The following NAV2 variants were observed in gnomAD, a reference collection of about 807,000 sequenced individuals.
NAV2 encodes the protein helicase, APC down-regulated 1.
NAV2 carries 54 observed loss-of-function variants against 223.2 expected under a neutral mutation model. The observed-to-expected ratio is 0.24, with a 90% CI of 0.19 to 0.30. NAV2 has a LOEUF of 0.30. Among genes scored for constraint, NAV2 ranks in the 10% least tolerant of loss-of-function variants. NAV2 has a pLI of 1.00. For synonymous variants in NAV2, 1,279 were observed against 1,239.3 expected, an observed-to-expected ratio of 1.03 and a Z score of -0.67; for missense variants, 2,806 against 3,147.5, an observed-to-expected ratio of 0.89 and a Z score of 2.60.
Position 19,998,538 on chromosome 11 carries a change from G to A in NAV2, c.2768+14291G>A, listed in dbSNP as rs1046404919. On this transcript the variant is annotated intron_variant, in intron 11 of 37. Coordinates refer to ENST00000349880, the MANE Select transcript of NAV2 (RefSeq NM_145117.5). This position sits in a 1 kb window ranked among gnomAD's most constrained non-coding sequence, Gnocchi z 5.0. ...TAGAATAAAGGTCAGACTCCTTGCC[G>A]TGGCCTCCAAGGGGGTGTGTGTTCT... 4.6e-5 allele frequency among the ~76,000 whole-genome samples: 7 copies of A among 152,132 alleles called. No homozygotes were observed. The highest frequency in any genetic ancestry group is 1.9e-4 in the East Asian group (1 of 5,180).
chr11:19,860,109 A>C (rs1278195037), intron 3 of NAV2, among the ~76,000 whole-genome samples: 3 of 113,182 alleles, frequency 2.7e-5, no homozygotes, highest in Non-Finnish European at 3.7e-5. Flanking sequence ...ACTTCCCAGT[A>C]GGGGCGGCCG....
At chr11:19,793,219 AAAAAAAAAAAGAAAG>A (rs1168838875) in intron 1 of NAV2, among the ~76,000 whole-genome samples, 1 of 146,826 alleles carries the variant, frequency 6.8e-6, no homozygotes, top group Non-Finnish European at 1.5e-5. Flanking sequence ...AAAAAAAAAA[AAAAAAAAAAAGAAAG>A]AAAGAAAGAA....
intron 22 of NAV2, among the ~76,000 whole-genome samples, chr11:20,070,433 C>T (rs1033681171): frequency 2.0e-5 from 3 of 152,170 alleles, no homozygotes; most frequent in Admixed American, 1.3e-4. Context: ...CCAGTGACCT[C>T]GTGCTGCCAC....
chr11:19,805,560 C>T (rs1191161258), intron 1 of NAV2, among the ~76,000 whole-genome samples: 1 of 152,202 alleles, frequency 6.6e-6, no homozygotes, highest in Non-Finnish European at 1.5e-5. Context: ...TTCAAGAGGA[C>T]ATGGCCATTA....
chr11:19,430,289 T>C (rs1850994213), intron 1 of NAV2, among the ~76,000 whole-genome samples: 1 of 152,234 alleles, frequency 6.6e-6, no homozygotes, highest in South Asian at 2.1e-4. Context: ...GAGTCAGCTC[T>C]TCCATGGAGT....
Position 19,735,214 on chromosome 11 carries a change from T to G in NAV2, c.267+21252T>G, listed in dbSNP as rs758863059. On this transcript the variant is annotated intron_variant, in intron 1 of 37. Transcript: ENST00000349880. ...AGACATAAAGCTTCTCCATGGGCTT[T>G]GGGTGAAGCCTGGGACCAGGCAGCT... 8.5e-5 allele frequency among the ~76,000 whole-genome samples: 13 copies of G among 152,282 alleles called. No individual in the cohort carries two copies. In the South Asian group the frequency reaches 2.5e-3, roughly 29 times the overall value.
chr11:19,905,788 C>T (rs1298521161), intron 6 of NAV2, among the ~76,000 whole-genome samples: 3 of 152,176 alleles, frequency 2.0e-5, no homozygotes, highest in African/African-American at 7.2e-5. Context: ...CTTTTAGCCA[C>T]AATTTGAACC....
chr11:19,864,748 A>G (rs1347807395), intron 3 of NAV2, among the ~76,000 whole-genome samples: 1 of 152,182 alleles, frequency 6.6e-6, no homozygotes, highest in Non-Finnish European at 1.5e-5. Context: ...AGCCTCTCTC[A>G]TGGATGTTCA....
intron 18 of NAV2, 39 bp from the exon 19 acceptor site, chr11:20,055,730 T>C: frequency 6.3e-7 from 1 of 1,579,628 alleles, no homozygotes; most frequent in Non-Finnish European, 8.7e-7. Flanking sequence ...AACAGAGACA[T>C]GAATGTCTAA....
At chr11:20,022,017 C>G (rs1261496696) in intron 11 of NAV2, among the ~76,000 whole-genome samples, 1 of 152,240 alleles carries the variant, frequency 6.6e-6, no homozygotes, top group Non-Finnish European at 1.5e-5. Context: ...GCCACAACCC[C>G]CGCTCCCTGC....
At chr11:19,506,654 ATAGC>A (rs113764748) in intron 1 of NAV2, 66,999 of 151,720 alleles carry the variant, frequency 0.44, 14,920 homozygotes, top group Non-Finnish European at 0.49. Flanking sequence ...TGGCATTAGC[ATAGC>A]TGGATTTCCT....
chr11:19,632,696 G>A (rs917293844), intron 1 of NAV2, among the ~76,000 whole-genome samples: 8 of 152,132 alleles, frequency 5.3e-5, no homozygotes, highest in Non-Finnish European at 1.0e-4. Context: ...ATATGCCTTC[G>A]ACCTTTCTCC....
chr11:19,705,943 A>C (rs774929312), intron 1 of NAV2, among the ~76,000 whole-genome samples: 15 of 152,058 alleles, frequency 9.9e-5, no homozygotes, highest in Admixed American at 2.0e-4. Flanking sequence ...TGACCCCTGG[A>C]CTCTAGGCTG....
At chr11:19,356,346 G>A (rs1853615950) in intron 1 of NAV2, among the ~76,000 whole-genome samples, 1 of 152,202 alleles carries the variant, frequency 6.6e-6, no homozygotes, top group Non-Finnish European at 1.5e-5. Flanking sequence ...GAGATAGCAT[G>A]ATTAGTCTTC....
Position 20,121,011 on chromosome 11 carries a change from A to G in NAV2, c.*2753A>G, listed in dbSNP as rs1280801785. On this transcript the variant is annotated 3_prime_UTR_variant, in exon 38 of 38. Coordinates refer to ENST00000349880, the MANE Select transcript of NAV2 (RefSeq NM_145117.5). ...CAAACTGCCAAGAATGATACAGGCC[A>G]TAATTGAAATGGGAATACCTTTTAA... 1 of 152,552 alleles carries G rather than the reference A, an allele frequency of 6.6e-6. No homozygotes were observed. The highest frequency in any genetic ancestry group is 6.5e-5 in the Admixed American group (1 of 15,288). The allele number at this position is 152,552 out of a possible 1,614,324, so 9.4% of individuals were successfully genotyped here. A position where few individuals can be genotyped will look rare whatever the true frequency, so the allele number is the denominator to read the frequency against.
chr11:20,052,166 T>C (rs1216226224), intron 17 of NAV2, among the ~76,000 whole-genome samples: 1 of 152,204 alleles, frequency 6.6e-6, no homozygotes, highest in Non-Finnish European at 1.5e-5. Context: ...AAGCATTAAG[T>C]GCTTTCGCAT....
intron 1 of NAV2, among the ~76,000 whole-genome samples, chr11:19,660,602 C>T (rs2057207851): frequency 6.6e-6 from 1 of 152,178 alleles, no homozygotes; most frequent in African/African-American, 2.4e-5. Flanking sequence ...CCTCTGGTTT[C>T]AGACACCTAG....
In NAV2 at chr11:20,100,978, T is replaced by G; in HGVS notation, c.6223T>G (p.Leu2075Val). The G allele has an allele frequency of 1.9e-6, 3 of 1,614,126 alleles. No individual in the cohort carries two copies. The highest frequency in any genetic ancestry group is 2.5e-6 in the Non-Finnish European group (3 of 1,180,018). ...CCTGGACTCACTGGTGTTTGAGTCC[T>G]TGATTCCCAAGCCCATCCTGCAGCG... is the stretch of plus-strand genomic sequence containing the variant. ...NSLDSLVFES[L>V]IPKPILQRYV... is the part of the protein sequence containing the mutation. The change falls in exon 32 of 38, where the codon TTG becomes GTG. Residue 2075 changes from leucine to valine, a missense_variant. Transcript: ENST00000349880.
chr11:19,580,454 C>G (rs1590594001), intron 1 of NAV2, among the ~76,000 whole-genome samples: 1 of 152,244 alleles, frequency 6.6e-6, no homozygotes, highest in South Asian at 2.1e-4. Context: ...CAAGGCATTA[C>G]ATGGGGAGGG....
Sources: gnomAD v4.1 joint callset for allele counts (sites outside exome capture counted in the v4.1 genomes callset) on GRCh38, gnomAD v4.1.1 for gene constraint, Gnocchi (gnomAD v3.1) non-coding constraint, MANE v1.5 for transcripts, NCBI Gene and HGNC (gene_info 2026-07-23, HGNC 2026-07-21) for gene names.